Variants in TRPS1 observed in about 807,000 individuals in gnomAD.
TRPS1 encodes the protein transcriptional repressor GATA binding 1, also known as zinc finger transcription factor Trps1.
Under a neutral mutation model 101.2 loss-of-function variants are expected in TRPS1, and 6 were observed. The observed-to-expected ratio is 0.06, with a 90% confidence interval of 0.03 to 0.12. TRPS1 has a LOEUF of 0.12. Ranked by LOEUF, TRPS1 falls within the 10% of genes least tolerant of loss-of-function variation. The pLI, the probability that TRPS1 is intolerant of heterozygous loss-of-function variation, is 1.00. For missense variants in TRPS1, 1,363 were observed against 1,567.0 expected, an observed-to-expected ratio of 0.87 and a Z score of 2.20; for synonymous variants, 578 against 589.8, an observed-to-expected ratio of 0.98 and a Z score of 0.29.
chr8:115,643,281 ATT>A (rs1437496680), intron 1 of TRPS1, among the ~76,000 whole-genome samples: 2 of 152,112 alleles, frequency 1.3e-5, no homozygotes, highest in African/African-American at 2.4e-5. Context: ...TTCATGAATG[ATT>A]TGTTTGTAGC....
chr8:115,644,096 T>C (rs1381918910), intron 1 of TRPS1, among the ~76,000 whole-genome samples: 1 of 152,232 alleles, frequency 6.6e-6, no homozygotes, highest in Non-Finnish European at 1.5e-5. Context: ...GTTCCTTTTA[T>C]AGAGCACAGC....
intron 5 of TRPS1, among the ~76,000 whole-genome samples, chr8:115,474,646 G>C (rs1031325391): frequency 2.0e-5 from 3 of 152,008 alleles, no homozygotes; most frequent in African/African-American, 4.8e-5. Context: ...GTTCAATGGT[G>C]TTGCAAACTA....
At chr8:115,665,298 G>A (rs1463312075) in intron 1 of TRPS1, among the ~76,000 whole-genome samples, 1 of 152,106 alleles carries the variant, frequency 6.6e-6, no homozygotes, top group African/African-American at 2.4e-5. Context: ...GTCTTTGGTT[G>A]CTTTCTTAAT....
chr8:115,562,874 G>GTC (rs1377012050), intron 5 of TRPS1, among the ~76,000 whole-genome samples: 31 of 131,120 alleles, frequency 2.4e-4, no homozygotes, highest in Non-Finnish European at 4.0e-4. Flanking sequence ...TACCCACAGT[G>GTC]TCTGTGTGTG....
At chr8:115,516,539 T>C (rs955052099) in intron 5 of TRPS1, among the ~76,000 whole-genome samples, 10 of 151,626 alleles carry the variant, frequency 6.6e-5, no homozygotes, top group South Asian at 2.1e-4. Context: ...CTATAAATAA[T>C]AGAAGAAAGA....
intron 5 of TRPS1, among the ~76,000 whole-genome samples, chr8:115,443,820 A>G (rs1037807841): frequency 6.6e-6 from 1 of 152,240 alleles, no homozygotes; most frequent in African/African-American, 2.4e-5. Flanking sequence ...CAAACTCAGC[A>G]ATCCCACACC....
chr8:115,626,188 G>A (rs1818505385), intron 1 of TRPS1, among the ~76,000 whole-genome samples: 1 of 151,314 alleles, frequency 6.6e-6, no homozygotes, highest in African/African-American at 2.4e-5. Context: ...ATAAAAGGAA[G>A]GTCAAATCTT....
chr8:115,457,212 G>A (rs1443269706), intron 5 of TRPS1, among the ~76,000 whole-genome samples: 6 of 152,130 alleles, frequency 3.9e-5, no homozygotes, highest in African/African-American at 1.4e-4. Context: ...TATAGGAAGC[G>A]TTGTCTGTCC....
intron 5 of TRPS1, among the ~76,000 whole-genome samples, chr8:115,439,473 A>G (rs1043338256): frequency 6.6e-6 from 1 of 152,244 alleles, no homozygotes; most frequent in Non-Finnish European, 1.5e-5. Context: ...GTGGTTAACT[A>G]TGTAATGTTC....
intron 5 of TRPS1, among the ~76,000 whole-genome samples, chr8:115,565,420 A>G (rs1817043960): frequency 6.6e-6 from 1 of 152,084 alleles, no homozygotes; most frequent in African/African-American, 2.4e-5. Context: ...TGCCGAGAAG[A>G]CATGAATTAG....
At chr8:115,610,315 T>C (rs761656166) in intron 3 of TRPS1, among the ~76,000 whole-genome samples, 1 of 152,196 alleles carries the variant, frequency 6.6e-6, no homozygotes, top group African/African-American at 2.4e-5. Context: ...TAAGGGCCGA[T>C]CTTAGCGGAA....
intron 1 of TRPS1, among the ~76,000 whole-genome samples, chr8:115,658,468 C>A (rs1361862111): frequency 6.6e-6 from 1 of 152,112 alleles, no homozygotes; most frequent in East Asian, 1.9e-4. Flanking sequence ...CCTAGTCCCC[C>A]TTCTGTTCAG....
chr8:115,636,303 G>T (rs1818765580), intron 1 of TRPS1, among the ~76,000 whole-genome samples: 1 of 152,048 alleles, frequency 6.6e-6, no homozygotes, highest in South Asian at 2.1e-4. Context: ...AGGCATTGAT[G>T]GTTTTAAAAT....
chr8:115,615,861 G>A (rs1818266166), intron 3 of TRPS1, among the ~76,000 whole-genome samples: 1 of 152,138 alleles, frequency 6.6e-6, no homozygotes, highest in African/African-American at 2.4e-5. Context: ...CTCTATGGCC[G>A]AATACAGATA....
intron 5 of TRPS1, among the ~76,000 whole-genome samples, chr8:115,462,822 T>C (rs568385812): frequency 6.6e-6 from 1 of 152,224 alleles, no homozygotes; most frequent in South Asian, 2.1e-4. Context: ...ATTTGATGCG[T>C]CCTTGAGCAC....
intron 1 of TRPS1, among the ~76,000 whole-genome samples, chr8:115,625,589 CT>C (rs1818487840): frequency 6.6e-6 from 1 of 151,760 alleles, no homozygotes; most frequent in Admixed American, 6.6e-5. Flanking sequence ...GCCAAACACA[CT>C]AAGCAAGATG....
At chr8:115,607,340 T>C (rs1003856966) in intron 3 of TRPS1, among the ~76,000 whole-genome samples, 2 of 151,768 alleles carry the variant, frequency 1.3e-5, no homozygotes, top group African/African-American at 2.4e-5. Context: ...TGTGAAAAAT[T>C]ATCAGTAAAG....
chr8:115,507,087 C>G (rs1815463805), intron 5 of TRPS1, among the ~76,000 whole-genome samples: 2 of 152,088 alleles, frequency 1.3e-5, no homozygotes, highest in Admixed American at 1.3e-4. Context: ...TTTCTATTCA[C>G]AAAGAACTGT....
intron 4 of TRPS1, among the ~76,000 whole-genome samples, chr8:115,589,601 A>T (rs1198002983): frequency 6.6e-6 from 1 of 152,174 alleles, no homozygotes; most frequent in African/African-American, 2.4e-5. Context: ...TAATGGGAGG[A>T]TGAATTGACC....
Sources: gnomAD v4.1 joint callset for allele counts (sites outside exome capture counted in the v4.1 genomes callset) on GRCh38, gnomAD v4.1.1 for gene constraint, MANE v1.5 for transcripts, NCBI Gene and HGNC (gene_info 2026-07-23, HGNC 2026-07-21) for gene names.